The following STK3 variants were observed in gnomAD, a reference collection of about 807,000 sequenced individuals.
The protein encoded by STK3 is serine/threonine-protein kinase 3.
In STK3, 41 loss-of-function variants were observed where a neutral mutation model predicts 58.0. The ratio of observed to expected loss-of-function variants is 0.71; its 90% CI spans 0.55 to 0.92. STK3 has a LOEUF of 0.92. STK3 is among the 40% of genes least tolerant of loss of function. The probability of loss-of-function intolerance (pLI) is 0.00; values close to 1 mark genes in which losing one functional copy is unlikely to be tolerated. For missense variants in STK3, 479 were observed against 602.7 expected, an observed-to-expected ratio of 0.79 and a Z score of 2.15; for synonymous variants, 170 against 191.0, an observed-to-expected ratio of 0.89 and a Z score of 0.91.
intron 4 of STK3, among the ~76,000 whole-genome samples, chr8:98,709,544 C>G (rs892803660): frequency 6.6e-6 from 1 of 152,052 alleles, no homozygotes; most frequent in Non-Finnish European, 1.5e-5. Flanking sequence ...CAAAAATCCT[C>G]AACAAAATAT....
intron 1 of STK3, among the ~76,000 whole-genome samples, chr8:98,923,105 A>G (rs1037740623): frequency 1.3e-5 from 2 of 152,226 alleles, no homozygotes; most frequent in African/African-American, 4.8e-5. Flanking sequence ...AGAAATGTGG[A>G]GCCTTGATCA....
intron 8 of STK3, among the ~76,000 whole-genome samples, chr8:98,556,391 AAAC>A (rs1195993597): frequency 2.6e-5 from 4 of 152,144 alleles, no homozygotes; most frequent in African/African-American, 9.6e-5. Context: ...ATACATGAGT[AAAC>A]AAGCCACTGA....
chr8:98,393,810 C>G (rs1817871139), intron 3 of STK3: 1 of 152,104 alleles, frequency 6.6e-6, no homozygotes, highest in Non-Finnish European at 1.5e-5. Flanking sequence ...AAAGTTGACC[C>G]ATGGCTGGCC....
chr8:98,581,120 G>T (rs917024617), intron 7 of STK3, among the ~76,000 whole-genome samples: 3 of 152,190 alleles, frequency 2.0e-5, no homozygotes, highest in Non-Finnish European at 4.4e-5. Context: ...ACCCATTCAG[G>T]TGGTTATATG....
intron 6 of STK3, among the ~76,000 whole-genome samples, chr8:98,685,234 G>A (rs778396446): frequency 2.6e-5 from 4 of 152,044 alleles, no homozygotes; most frequent in Admixed American, 6.6e-5. Flanking sequence ...ATGGAAACAC[G>A]TCTCCAAAAC....
chr8:98,499,923 G>A (rs1823437946), intron 10 of STK3, among the ~76,000 whole-genome samples: 1 of 152,150 alleles, frequency 6.6e-6, no homozygotes, highest in Non-Finnish European at 1.5e-5. Flanking sequence ...TATTTTGCAT[G>A]TGAGATAGAT....
intron 1 of STK3, among the ~76,000 whole-genome samples, chr8:98,901,458 G>T (rs1838652920): frequency 6.6e-6 from 1 of 152,264 alleles, no homozygotes; most frequent in Non-Finnish European, 1.5e-5. Flanking sequence ...AGGGAGAGGT[G>T]AAAGGGGAGA....
intron 4 of STK3, among the ~76,000 whole-genome samples, chr8:98,737,831 C>T (rs996920335): frequency 6.6e-6 from 1 of 152,130 alleles, no homozygotes; most frequent in Admixed American, 6.5e-5. Context: ...CCTCAGCCTC[C>T]AGAGTAGCTG....
At chr8:98,664,047 T>A (rs971360816) in intron 6 of STK3, among the ~76,000 whole-genome samples, 1 of 152,148 alleles carries the variant, frequency 6.6e-6, no homozygotes, top group African/African-American at 2.4e-5. Flanking sequence ...TTATGACATA[T>A]CCAAGTCCCA....
chr8:98,756,883 G>C (rs1393771396), intron 3 of STK3, among the ~76,000 whole-genome samples: 3 of 152,164 alleles, frequency 2.0e-5, no homozygotes, highest in Non-Finnish European at 4.4e-5. Flanking sequence ...CCCAGGGCCA[G>C]GTACCAGACA....
At chr8:98,823,459 A>G (rs1159342427) in intron 1 of STK3, among the ~76,000 whole-genome samples, 1 of 152,228 alleles carries the variant, frequency 6.6e-6, no homozygotes, top group Non-Finnish European at 1.5e-5. Context: ...CCATCACTGT[A>G]TACAACAAGA....
intron 3 of STK3, among the ~76,000 whole-genome samples, chr8:98,871,776 T>C (rs1310957508): frequency 6.6e-6 from 1 of 152,240 alleles, no homozygotes; most frequent in Admixed American, 6.5e-5. Context: ...TATACAATCA[T>C]GTCATCTGCA....
intron 6 of STK3, among the ~76,000 whole-genome samples, chr8:98,635,964 C>T (rs192463873): frequency 6.0e-4 from 91 of 152,174 alleles, no homozygotes; most frequent in Non-Finnish European, 9.4e-4. Flanking sequence ...GTCTAACCAT[C>T]TTTCAATAAG....
intron 1 of STK3, among the ~76,000 whole-genome samples, chr8:98,447,761 T>C (rs1405755736): frequency 6.7e-6 from 1 of 148,440 alleles, no homozygotes; most frequent in East Asian, 1.9e-4. Context: ...GTAAAATATA[T>C]ACAATATTAT....
chr8:98,757,073 G>A (rs1413261744), intron 3 of STK3, among the ~76,000 whole-genome samples: 3 of 151,232 alleles, frequency 2.0e-5, no homozygotes, highest in Non-Finnish European at 3.0e-5. Flanking sequence ...TGGAGCCCCT[G>A]TGACACAGCA....
intron 10 of STK3, among the ~76,000 whole-genome samples, chr8:98,470,613 T>C (rs537084263): frequency 1.8e-4 from 27 of 152,338 alleles, no homozygotes; most frequent in African/African-American, 6.5e-4. Flanking sequence ...AATTGCAGAT[T>C]CTGCTAGCTA....
intron 6 of STK3, among the ~76,000 whole-genome samples, chr8:98,614,835 G>C (rs1817537923): frequency 6.6e-6 from 1 of 152,136 alleles, no homozygotes; most frequent in Non-Finnish European, 1.5e-5. Context: ...CTGATTGCTA[G>C]CACAAAGCAG....
At chr8:98,763,587 T>G (rs945021090) in intron 3 of STK3, among the ~76,000 whole-genome samples, 3 of 152,222 alleles carry the variant, frequency 2.0e-5, no homozygotes, top group Non-Finnish European at 4.4e-5. Context: ...TTATGCTAAT[T>G]TCTTAATAAC....
At chr8:98,776,304 G>A (rs1350637144) in intron 1 of STK3, among the ~76,000 whole-genome samples, 1 of 152,286 alleles carries the variant, frequency 6.6e-6, no homozygotes, top group East Asian at 1.9e-4. Context: ...TTTCTGATTG[G>A]TTTCACAAAC....
Sources: allele counts gnomAD v4.1 joint callset (sites outside exome capture counted in the v4.1 genomes callset), GRCh38; gene constraint gnomAD v4.1.1; transcripts MANE v1.5; gene names NCBI Gene and HGNC (gene_info 2026-07-23, HGNC 2026-07-21).